The following HCN2 variants were observed in gnomAD, a reference collection of about 807,000 sequenced individuals.
HCN2 encodes the protein hyperpolarization activated cyclic nucleotide gated potassium and sodium channel 2.
In HCN2, 20 loss-of-function variants were observed where a neutral mutation model predicts 52.3. The observed-to-expected ratio is 0.38, with a 90% confidence interval of 0.27 to 0.56. The LOEUF (loss-of-function observed/expected upper bound fraction) is 0.56. Among genes scored for constraint, HCN2 ranks in the 20% least tolerant of loss-of-function variants. HCN2 has a pLI of 0.71. For missense variants in HCN2, 981 were observed against 1,207.7 expected, an observed-to-expected ratio of 0.81 and a Z score of 2.78; for synonymous variants, 694 against 537.0, an observed-to-expected ratio of 1.29 and a Z score of -4.04.
chr19:598,698 T>C (rs1983110915), intron 1 of HCN2, among the ~76,000 whole-genome samples: 2 of 151,394 alleles, frequency 1.3e-5, no homozygotes, highest in South Asian at 4.2e-4. Context: ...GCCTCCCGGG[T>C]TCATGCCGTT....
At chr19:611,926 AC>A (rs1050179372) in intron 5 of HCN2, among the ~76,000 whole-genome samples, 2 of 152,068 alleles carry the variant, frequency 1.3e-5, no homozygotes, top group African/African-American at 4.8e-5. Context: ...CGGGCAGATC[AC>A]CTGAGGTCAG....
chr19:596,670 C>T (rs578199615), intron 1 of HCN2, among the ~76,000 whole-genome samples: 26 of 152,250 alleles, frequency 1.7e-4, no homozygotes, highest in African/African-American at 5.8e-4. Flanking sequence ...ACAGGGTGCC[C>T]GGGGAGTGCT....
At position 616,175 on chromosome 19, in the gene HCN2, C is replaced by T; in HGVS notation, c.2371C>T (p.Arg791Trp). The T allele has an allele frequency of 2.0e-6, 2 of 976,418 alleles. No homozygotes were observed. Among genetic ancestry groups the T allele is most frequent in the Non-Finnish European group, 2.4e-6 (2 of 823,956 alleles). The allele number at this position is 976,418 out of a possible 1,614,324, so 60.5% of individuals were successfully genotyped here. A position where few individuals can be genotyped will look rare whatever the true frequency, so the allele number is the denominator to read the frequency against. The change falls in exon 8 of 8, where the codon CGG becomes TGG. Residue 791 changes from arginine (R) to tryptophan (W), a missense_variant. Arg to Trp is a moderately radical substitution (Grantham distance 101). Coordinates refer to ENST00000251287, the MANE Select transcript of HCN2 (RefSeq NM_001194.4). ...CGCGCCCGCCAGCCCCCGGGCACCG[C>T]GGACCTCGCCCTACGGCGGCCTGCC... is the stretch of plus-strand genomic sequence containing the variant. ...PGAPASPRAPRTSPYGGLPAA... is the reference protein window; with the variant it reads ...PGAPASPRAPWTSPYGGLPAA...
rs1388147465 is a variant in HCN2, at chr19:613,975, G to C, written c.1949G>C (p.Arg650Pro). The change falls in exon 7 of 8, where the codon CGC becomes CCC. Residue 650 changes from arginine to proline, a missense_variant. Transcript: ENST00000251287. The part of the protein sequence containing the change: ...EVLEEYPMMR[R>P]AFETVAIDRL... ...CTGGAGGAGTACCCCATGATGCGGC[G>C]CGCCTTCGAGACGGTGGCCATCGAC... 1 of 1,431,470 alleles carries C rather than the reference G, an allele frequency of 7.0e-7. No homozygotes were observed. The allele number at this position is 1,431,470 out of a possible 1,614,324, so 88.7% of individuals were successfully genotyped here.
At chr19:593,846 G>A (rs1004494989) in intron 1 of HCN2, among the ~76,000 whole-genome samples, 16 of 152,156 alleles carry the variant, frequency 1.1e-4, no homozygotes, top group Non-Finnish European at 1.9e-4. Flanking sequence ...TGCCTGAATT[G>A]GAACAGGCGT....
chr19:600,348 T>G (rs951124022), intron 1 of HCN2, among the ~76,000 whole-genome samples: 2 of 151,790 alleles, frequency 1.3e-5, no homozygotes, highest in Non-Finnish European at 2.9e-5. Context: ...AATTTTTGTA[T>G]TATTATTTTT....
rs1478410477 is a variant in HCN2 at position 610,152 on chromosome 19, G to A, written c.1438-107G>A. 45 of 1,355,706 alleles carry A rather than the reference G, an allele frequency of 3.3e-5. No individual in the cohort carries two copies. The East Asian group carries it at 1.0e-3, about 30-fold the overall frequency. The allele number at this position is 1,355,706 out of a possible 1,614,324, so 84.0% of individuals were successfully genotyped here. ...GTGCCCGTGTGCCCGCTGCAGGCTG[G>A]GGGCGGTGTCTGACCCAGCCTCGCC... On this transcript the variant is annotated intron_variant, in intron 4 of 7. Transcript: ENST00000251287.
rs527536363 is a variant in HCN2, at chr19:615,946, C to CCCG, written c.2162_2164dup (p.Pro721dup). 1.1e-3 allele frequency: 1,788 copies of CCCG among 1,605,132 alleles called. 3 individuals carry two copies. The highest frequency in any genetic ancestry group is 4.5e-3 in the African/African-American group (340 of 74,818). ...AGCTGGGTCAGCGCGTGGGCCTCTT[C>CCCG]CCGCCGCCGCCGCCGCCGCCGCAGG... On this transcript the variant is annotated inframe_insertion, in exon 8 of 8. Transcript: ENST00000251287.
rs760661829 is a variant in HCN2, at chr19:603,658, G to T, written c.747G>T (p.Val249=). Residue 249 remains valine, a synonymous_variant, in exon 2 of 8, where the codon GTG becomes GTT. Transcript: ENST00000251287. ...CTGCCCCGTGGATCGTGTTCAACGT[G>T]GTCTCGGACACCTTCTTCCTCATGG... ...ETTAPWIVFN[V]VSDTFFLMDL... is the part of the protein sequence containing the mutation. 2 of 1,612,602 alleles carry T rather than the reference G, an allele frequency of 1.2e-6. No individual in the cohort carries two copies. The highest frequency in any genetic ancestry group is 2.2e-5 in the South Asian group (2 of 91,062).
intron 4 of HCN2, among the ~76,000 whole-genome samples, chr19:608,582 G>C (rs979003390): frequency 2.0e-5 from 3 of 152,018 alleles, no homozygotes; most frequent in Admixed American, 2.0e-4. Context: ...GGAGATGGAC[G>C]TGGGGCGGGG....
chr19:616,543 C>T lies in HCN2; in HGVS notation c.*69C>T. 3 of 920,068 alleles carry T rather than the reference C, an allele frequency of 3.3e-6. No homozygotes were observed. The highest frequency in any genetic ancestry group is 4.1e-6 in the Non-Finnish European group (3 of 727,646). The allele number at this position is 920,068 out of a possible 1,614,324, so 57.0% of individuals were successfully genotyped here. A position where few individuals can be genotyped will look rare whatever the true frequency, so the allele number is the denominator to read the frequency against. On this transcript the variant is annotated 3_prime_UTR_variant, in exon 8 of 8. Transcript: ENST00000251287. Reference sequence around the variant, plus strand: ...GCCGTCATCCAGACCAAAGCCATGCCATTGCGCTGCCCCGGCCGCCAGTCC... The same window carrying T: ...GCCGTCATCCAGACCAAAGCCATGCTATTGCGCTGCCCCGGCCGCCAGTCC...
chr19:615,512 T>C (rs1476719481), intron 7 of HCN2, among the ~76,000 whole-genome samples: 1 of 152,202 alleles, frequency 6.6e-6, no homozygotes, highest in Non-Finnish European at 1.5e-5. Flanking sequence ...AGACTCCGTC[T>C]CAGAAACAAA....
chr19:600,427 G>A (rs1359233714), intron 1 of HCN2, among the ~76,000 whole-genome samples: 3 of 151,922 alleles, frequency 2.0e-5, no homozygotes, highest in South Asian at 2.1e-4. Context: ...TGCAACCTCC[G>A]CCTCACTGGT....
chr19:610,165 A>G (rs1600532673), intron 4 of HCN2, 94 bp from the exon 5 acceptor site: 1 of 1,450,744 alleles, frequency 6.9e-7, no homozygotes, highest in Non-Finnish European at 9.4e-7. Flanking sequence ...GCGGTGTCTG[A>G]CCCAGCCTCG....
At chr19:600,590 C>T (rs1436966440) in intron 1 of HCN2, among the ~76,000 whole-genome samples, 3 of 151,948 alleles carry the variant, frequency 2.0e-5, no homozygotes, top group Non-Finnish European at 2.9e-5. Flanking sequence ...CATGATGCGA[C>T]CACCTTTGCC....
chr19:607,386 T>A lies in HCN2; in HGVS notation c.1219-578T>A, dbSNP rs566744363. On this transcript the variant is annotated intron_variant, in intron 3 of 7. Transcript: ENST00000251287. ...GTGTTTGGTTTGGACACAGAGCAGG[T>A]GGGCATTGATGGGGTCAGGAGCTAC... 6.6e-5 allele frequency among the ~76,000 whole-genome samples: 10 copies of A among 152,290 alleles called. No homozygotes were observed. In the South Asian group the frequency reaches 2.1e-3, roughly 32 times the overall value.
chr19:592,508 G>T lies in HCN2; in HGVS notation c.632+1931G>T, dbSNP rs573636789. ...CTGTGGCCCCGCTCTGTGCTCTGAGGCATAGAGGGCTCAGAGGCCCCTGTG... is the reference window on the plus strand; with the variant it reads ...CTGTGGCCCCGCTCTGTGCTCTGAGTCATAGAGGGCTCAGAGGCCCCTGTG... On this transcript the variant is annotated intron_variant, in intron 1 of 7. Transcript: ENST00000251287. This position sits in a 1 kb window ranked among gnomAD's most constrained non-coding sequence, Gnocchi z 4.8. Among the ~76,000 whole-genome samples, 1 of 152,288 alleles carries T rather than the reference G, an allele frequency of 6.6e-6. No individual in the cohort carries two copies. Among genetic ancestry groups the T allele is most frequent in the Non-Finnish European group, 1.5e-5 (1 of 68,016 alleles).
chr19:616,388 G>A lies in HCN2; in HGVS notation c.2584G>A (p.Asp862Asn), dbSNP rs933505249. ...TGCCCGGGCCGCCGCGCCCAGCCCGGACCGCAGGGACTCGGCCTCACCCGG... is the reference window on the plus strand; with the variant it reads ...TGCCCGGGCCGCCGCGCCCAGCCCGAACCGCAGGGACTCGGCCTCACCCGG... ...PAARAAAPSP[D>N]RRDSASPGAA... Residue 862 changes from aspartate to asparagine, a missense_variant, in exon 8 of 8, where the codon GAC becomes AAC. Asp to Asn is a conservative substitution (Grantham distance 23, BLOSUM62 1). Around this residue, in one of 6 missense-constraint regions of HCN2, gnomAD observed 368 missense variants for 314.8 expected, o/e 1.17. Coordinates refer to ENST00000251287, the MANE Select transcript of HCN2 (RefSeq NM_001194.4). The A allele has an allele frequency of 8.1e-7, 1 of 1,236,730 alleles. No individual in the cohort carries two copies. Among genetic ancestry groups the A allele is most frequent in the Non-Finnish European group, 1.0e-6 (1 of 983,318 alleles). 76.6% of individuals were successfully genotyped at this position (1,236,730 alleles called of 1,614,324 possible).
chr19:609,292 C>T (rs1195670076), intron 4 of HCN2, among the ~76,000 whole-genome samples: 4 of 152,198 alleles, frequency 2.6e-5, no homozygotes, highest in Admixed American at 6.5e-5. Flanking sequence ...CTGGCACCCC[C>T]GCCCAGCACC....
Sources: allele counts gnomAD v4.1 joint callset (sites outside exome capture counted in the v4.1 genomes callset), GRCh38; gene constraint gnomAD v4.1.1; regional missense constraint gnomAD v4.1.1; non-coding constraint Gnocchi (gnomAD v3.1); transcripts MANE v1.5; gene names NCBI Gene and HGNC (gene_info 2026-07-23, HGNC 2026-07-21).